The following SLC6A6 variants were observed in gnomAD, a reference collection of about 807,000 sequenced individuals.
The protein encoded by SLC6A6 is sodium- and chloride-dependent taurine transporter.
A neutral mutation model predicts 68.8 loss-of-function variants in SLC6A6; 16 were observed. The ratio of observed to expected loss-of-function variants is 0.23; its 90% CI spans 0.16 to 0.35. The LOEUF is 0.35. Ranked by LOEUF, SLC6A6 falls within the 10% of genes least tolerant of loss-of-function variation. The pLI, the probability that SLC6A6 is intolerant of heterozygous loss-of-function variation, is 1.00. For synonymous variants in SLC6A6, 312 were observed against 315.4 expected, an observed-to-expected ratio of 0.99 and a Z score of 0.12; for missense variants, 474 against 802.8, an observed-to-expected ratio of 0.59 and a Z score of 4.95.
At position 14,467,970 on chromosome 3, in the gene SLC6A6, C is replaced by T. The variant is rs377585736; in HGVS notation, c.971+14C>T. 1.4e-5 allele frequency: 22 copies of T among 1,609,812 alleles called. No homozygotes were observed. Among genetic ancestry groups the T allele is most frequent in the East Asian group, 6.7e-5 (3 of 44,858 alleles). On this transcript the variant is annotated intron_variant, in intron 8 of 14. Coordinates refer to ENST00000622186, the MANE Select transcript of SLC6A6 (RefSeq NM_003043.6). ...TAACTCGTACAGGCAAGTGTTGCGC[C>T]GGCGGGCCTGGTGGACTTTAGAAAT...
chr3:14,476,074 G>C (rs972773287), intron 10 of SLC6A6, among the ~76,000 whole-genome samples: 1 of 152,216 alleles, frequency 6.6e-6, no homozygotes, highest in Non-Finnish European at 1.5e-5. Context: ...TCTGGGTCCA[G>C]GTTGAATAAG....
At chr3:14,421,470 G>T (rs1393443393) in intron 2 of SLC6A6, among the ~76,000 whole-genome samples, 1 of 152,178 alleles carries the variant, frequency 6.6e-6, no homozygotes, top group African/African-American at 2.4e-5. Flanking sequence ...TTCTCTGGTT[G>T]TGAGGGTCAG....
At chr3:14,442,147 C>G (rs1700004586) in intron 2 of SLC6A6, among the ~76,000 whole-genome samples, 1 of 152,184 alleles carries the variant, frequency 6.6e-6, no homozygotes, top group African/African-American at 2.4e-5. Context: ...CACATCTGCT[C>G]CAGTCAGCAA....
chr3:14,415,350 G>C (rs1045006434), intron 1 of SLC6A6, among the ~76,000 whole-genome samples: 1 of 152,176 alleles, frequency 6.6e-6, no homozygotes, highest in African/African-American at 2.4e-5. Flanking sequence ...GTAGGCTGCC[G>C]GGACTGGCAT....
intron 1 of SLC6A6, among the ~76,000 whole-genome samples, chr3:14,407,498 C>T (rs576478541): frequency 2.1e-4 from 32 of 150,920 alleles, no homozygotes; most frequent in Non-Finnish European, 3.2e-4. Flanking sequence ...CCACTTTCTC[C>T]GTTTTCTTTT....
chr3:14,425,755 G>C (rs2341967), intron 2 of SLC6A6, among the ~76,000 whole-genome samples: 1 of 151,834 alleles, frequency 6.6e-6, no homozygotes, highest in Non-Finnish European at 1.5e-5. Context: ...TCCAAAAATG[G>C]TGTGGGTTGG....
At chr3:14,405,352 C>T (rs1023306311) in intron 1 of SLC6A6, among the ~76,000 whole-genome samples, 13 of 152,162 alleles carry the variant, frequency 8.5e-5, no homozygotes, top group Non-Finnish European at 2.9e-5. Flanking sequence ...TGAACTTGTC[C>T]GCCTGTCAGT....
Position 14,443,802 on chromosome 3 carries a change from C to A in SLC6A6, c.168C>A (p.Gly56=). 1 of 1,612,724 alleles carries A rather than the reference C, an allele frequency of 6.2e-7. No individual in the cohort carries two copies. The highest frequency in any genetic ancestry group is 8.5e-7 in the Non-Finnish European group (1 of 1,179,860). ...SKIDFVLSVA[G]GFVGLGNVWR... is the part of the protein sequence containing the mutation. ...TCGACTTTGTGCTCTCTGTGGCTGG[C>A]GGCTTCGTGGGCTTGGGCAACGTCT... Residue 56 remains glycine, a synonymous_variant, in exon 3 of 15, where the codon GGC becomes GGA. Transcript: ENST00000622186.
chr3:14,418,589 C>A (rs75861969), intron 2 of SLC6A6, among the ~76,000 whole-genome samples: 2 of 152,200 alleles, frequency 1.3e-5, no homozygotes, highest in African/African-American at 4.8e-5. Context: ...TGATTGCTAC[C>A]GCTTCCTGGA....
At chr3:14,445,077 T>G (rs906583761) in intron 3 of SLC6A6, among the ~76,000 whole-genome samples, 2 of 152,096 alleles carry the variant, frequency 1.3e-5, no homozygotes, top group Non-Finnish European at 2.9e-5. Context: ...CCGTCCTTGT[T>G]CAGGGGACGG....
intron 1 of SLC6A6, among the ~76,000 whole-genome samples, chr3:14,408,689 C>T (rs1234837969): frequency 6.6e-6 from 1 of 152,196 alleles, no homozygotes; most frequent in Non-Finnish European, 1.5e-5. Context: ...TGCATATGGA[C>T]ATAGACTCCT....
chr3:14,443,978 C>T, intron 3 of SLC6A6, 115 bp downstream of exon 3: 4 of 703,146 alleles, frequency 5.7e-6, no homozygotes, highest in South Asian at 1.7e-5. Flanking sequence ...GGCCCCCCCC[C>T]TTGACCTCCA....
rs1033740724 is a variant in SLC6A6, at chr3:14,477,909, C to T, written c.1348-557C>T. Reference sequence around the variant, plus strand: ...GGGAACGGGAACGTCTAAGACGTGTCTAGCAAGAGGCAAGCCAGATGAGAT... The same window carrying T: ...GGGAACGGGAACGTCTAAGACGTGTTTAGCAAGAGGCAAGCCAGATGAGAT... On this transcript the variant is annotated intron_variant, in intron 11 of 14. Transcript: ENST00000622186. This position sits in a 1 kb window ranked among gnomAD's most constrained non-coding sequence, Gnocchi z 4.2. 6.6e-6 allele frequency among the ~76,000 whole-genome samples: 1 copy of T among 152,090 alleles called. No individual in the cohort carries two copies. The highest frequency in any genetic ancestry group is 1.5e-5 in the Non-Finnish European group (1 of 68,008).
intron 7 of SLC6A6, 33 bp from the exon 8 acceptor site, chr3:14,467,818 CCT>C (rs1700655646): frequency 2.9e-6 from 4 of 1,399,732 alleles, no homozygotes; most frequent in Non-Finnish European, 2.0e-6. Context: ...TGACAGCCCT[CCT>C]CTCTTTCCTT....
At chr3:14,442,999 C>A (rs972076719) in intron 2 of SLC6A6, among the ~76,000 whole-genome samples, 2 of 152,312 alleles carry the variant, frequency 1.3e-5, no homozygotes, top group East Asian at 3.9e-4. Context: ...TCATAAACAT[C>A]CATTCTCTAT....
chr3:14,402,776 G>C lies in SLC6A6; in HGVS notation c.-125G>C, dbSNP rs1334781096. The C allele has an allele frequency of 2.5e-6, 1 of 397,960 alleles. No homozygotes were observed. Among genetic ancestry groups the C allele is most frequent in the Non-Finnish European group, 4.4e-6 (1 of 225,718 alleles). The allele number at this position is 397,960 out of a possible 1,614,324, so 24.7% of individuals were successfully genotyped here. On this transcript the variant is annotated 5_prime_UTR_variant, in exon 1 of 15. Transcript: ENST00000622186. This position sits in a 1 kb window ranked among gnomAD's most constrained non-coding sequence, Gnocchi z 4.8. ...TCACCCAGCGGGTCAGAGAGCGAGC[G>C]GGCAGGCAGCCCCCGGCCGGCGGAA...
intron 2 of SLC6A6, among the ~76,000 whole-genome samples, chr3:14,438,507 C>T (rs1372742981): frequency 6.6e-6 from 1 of 152,176 alleles, no homozygotes; most frequent in East Asian, 1.9e-4. Flanking sequence ...CTTGATTCCA[C>T]AGCAAGCCTA....
intron 5 of SLC6A6, among the ~76,000 whole-genome samples, chr3:14,451,309 A>C (rs1037351766): frequency 2.3e-4 from 35 of 152,296 alleles, no homozygotes; most frequent in African/African-American, 7.2e-4. Flanking sequence ...TCTCTGGCTC[A>C]CTTCCCCATC....
chr3:14,447,917 C>T (rs1019444979), intron 5 of SLC6A6, 101 bp downstream of exon 5: 102 of 1,527,906 alleles, frequency 6.7e-5, no homozygotes, highest in East Asian at 1.7e-4. Flanking sequence ...CCACTGTCTT[C>T]GGGGGAGTGG....
Sources: allele counts gnomAD v4.1 joint callset (sites outside exome capture counted in the v4.1 genomes callset), GRCh38; gene constraint gnomAD v4.1.1; non-coding constraint Gnocchi (gnomAD v3.1); transcripts MANE v1.5; gene names NCBI Gene and HGNC (gene_info 2026-07-23, HGNC 2026-07-21).